The following ELP1 variants were observed in gnomAD, a reference collection of about 807,000 sequenced individuals.
ELP1 encodes the protein elongator complex protein 1.
Under a neutral mutation model 183.2 loss-of-function variants are expected in ELP1, and 131 were observed. That is an observed-to-expected ratio of 0.72 (90% CI 0.62 to 0.83). The LOEUF (loss-of-function observed/expected upper bound fraction) is 0.83. Among genes scored for constraint, ELP1 ranks in the 40% least tolerant of loss-of-function variants. The pLI is 0.00. For synonymous variants in ELP1, 555 were observed against 569.0 expected, an observed-to-expected ratio of 0.98 and a Z score of 0.35; for missense variants, 1,550 against 1,594.9, an observed-to-expected ratio of 0.97 and a Z score of 0.48.
At chr9:108,921,574 T>G (rs1461473061) in intron 6 of ELP1, among the ~76,000 whole-genome samples, 1 of 143,162 alleles carries the variant, frequency 7.0e-6, no homozygotes, top group African/African-American at 2.6e-5. Context: ...AGGATACCTT[T>G]TAAGTCCTGC....
At chr9:108,911,960 C>T (rs1383330956) in intron 11 of ELP1, among the ~76,000 whole-genome samples, 1 of 152,066 alleles carries the variant, frequency 6.6e-6, no homozygotes, top group Non-Finnish European at 1.5e-5. Flanking sequence ...ACACCCAATC[C>T]CACAAGACTG....
intron 36 of ELP1, among the ~76,000 whole-genome samples, chr9:108,873,159 C>T (rs1827552991): frequency 6.6e-6 from 1 of 152,318 alleles, no homozygotes; most frequent in Non-Finnish European, 1.5e-5. Context: ...AAGTCCAACC[C>T]AGCTGTGATT....
intron 2 of ELP1, 128 bp downstream of exon 2, chr9:108,930,869 A>G: frequency 1.1e-6 from 1 of 890,502 alleles, no homozygotes; most frequent in Non-Finnish European, 1.8e-6. Context: ...TATATGAAGC[A>G]AAAGATGTTT....
In ELP1 at chr9:108,878,110, T is replaced by C. The variant is rs756441006; in HGVS notation, c.3740A>G (p.Glu1247Gly). The change falls in exon 35 of 37, where the codon GAG (glutamate) becomes GGG (glycine). Residue 1247 changes from glutamate to glycine, a missense_variant. Glu to Gly is a moderately conservative substitution (Grantham distance 98). Coordinates refer to ENST00000374647, the MANE Select transcript of ELP1 (RefSeq NM_003640.5). ...TAATTCCCTTCCTTGTTCATCAAAC[T>C]CAAAGAGAAAGAGTACCTTTAAAAT... Reference protein sequence around the residue: ...YHILKVLFLFEFDEQGRELQK... With the variant: ...YHILKVLFLFGFDEQGRELQK... 2 of 1,611,944 alleles carry C rather than the reference T, an allele frequency of 1.2e-6. No individual in the cohort carries two copies. The highest frequency in any genetic ancestry group is 2.7e-5 in the African/African-American group (2 of 74,872).
At chr9:108,872,609 C>A (rs1827502489) in intron 36 of ELP1, among the ~76,000 whole-genome samples, 1 of 151,646 alleles carries the variant, frequency 6.6e-6, no homozygotes, top group South Asian at 2.1e-4. Flanking sequence ...TCGAGACCAT[C>A]CTGGCTAACA....
intron 18 of ELP1, among the ~76,000 whole-genome samples, chr9:108,900,773 C>T (rs949586112): frequency 3.3e-5 from 5 of 150,828 alleles, no homozygotes; most frequent in Admixed American, 1.3e-4. Flanking sequence ...CACATACACG[C>T]CACACACACA....
intron 25 of ELP1, among the ~76,000 whole-genome samples, chr9:108,895,700 T>C (rs1160438000): frequency 1.3e-5 from 2 of 152,164 alleles, no homozygotes; most frequent in African/African-American, 4.8e-5. Context: ...ATTTTCATTT[T>C]TGGAGAGGTC....
intron 14 of ELP1, among the ~76,000 whole-genome samples, chr9:108,904,607 AACTCTGGAGCTAG>A (rs2131999303): frequency 6.6e-6 from 1 of 152,268 alleles, no homozygotes; most frequent in African/African-American, 2.4e-5. Flanking sequence ...GAAGAGAACA[AACTCTGGAGCTAG>A]ACTCGCTGGG....
At chr9:108,869,716 G>C (rs912346214) in intron 36 of ELP1, among the ~76,000 whole-genome samples, 6 of 152,098 alleles carry the variant, frequency 3.9e-5, no homozygotes, top group African/African-American at 1.4e-4. Flanking sequence ...AAAAGATTCT[G>C]TCATTGTAAC....
chr9:108,913,497 T>C (rs1671078035), intron 10 of ELP1, among the ~76,000 whole-genome samples: 1 of 152,222 alleles, frequency 6.6e-6, no homozygotes, highest in Admixed American at 6.5e-5. Context: ...CTCAATCTCC[T>C]TGCTCACTAA....
chr9:108,919,474 A>G, intron 6 of ELP1, 125 bp from the exon 7 acceptor site: 1 of 648,474 alleles, frequency 1.5e-6, no homozygotes, highest in Non-Finnish European at 2.8e-6. Flanking sequence ...GCCTGCCTCT[A>G]GAATCAGAAA....
At chr9:108,893,714 A>G (rs1828428698) in intron 26 of ELP1, among the ~76,000 whole-genome samples, 1 of 152,232 alleles carries the variant, frequency 6.6e-6, no homozygotes, top group African/African-American at 2.4e-5. Flanking sequence ...TTAACCAAAA[A>G]AGGATCTACT....
rs529271597 is a variant in ELP1, at chr9:108,869,239, G to A, written c.3932-57C>T. On this transcript the variant is annotated intron_variant, in intron 36 of 36. Transcript: ENST00000374647. ...AGACATACTCTTGTTGGAGGGCGCT[G>A]AGGCAGTAACTCTAAACTAAACAAA... 4.8e-6 allele frequency: 7 copies of A among 1,454,610 alleles called. No homozygotes were observed. The South Asian group carries it at 8.0e-5, about 17-fold the overall frequency. 90.1% of individuals were successfully genotyped at this position (1,454,610 alleles called of 1,614,324 possible).
At chr9:108,928,786 G>GT (rs533485618) in intron 3 of ELP1, among the ~76,000 whole-genome samples, 296 of 149,496 alleles carry the variant, frequency 2.0e-3, no homozygotes, top group African/African-American at 6.9e-3. Flanking sequence ...TTTCAAATAC[G>GT]AAAAAAAAAC....
At chr9:108,913,555 T>C (rs999089431) in intron 10 of ELP1, among the ~76,000 whole-genome samples, 1 of 150,692 alleles carries the variant, frequency 6.6e-6, no homozygotes, top group Non-Finnish European at 1.5e-5. Context: ...TCAAACCGCA[T>C]TATTACAACA....
chr9:108,875,322 C>T (rs183081279), intron 35 of ELP1, among the ~76,000 whole-genome samples: 138 of 152,308 alleles, frequency 9.1e-4, no homozygotes, highest in African/African-American at 3.0e-3. Flanking sequence ...ATCAATTATA[C>T]GCAAAGAGTT....
chr9:108,924,427 C>G lies in ELP1; in HGVS notation c.467-1500G>C, dbSNP rs553470297. On this transcript the variant is annotated intron_variant, in intron 5 of 36. Transcript: ENST00000374647. ...GTACTGAGAAACACATTTCTGAGAC[C>G]TAAGATCTTAACTTGGCCTACATTT... is the stretch of plus-strand genomic sequence containing the variant. 2.0e-4 allele frequency among the ~76,000 whole-genome samples: 30 copies of G among 151,976 alleles called. No individual in the cohort carries two copies. In the South Asian group the frequency reaches 6.2e-3, roughly 32 times the overall value.
chr9:108,900,362 G>C lies in ELP1; in HGVS notation c.2028C>G (p.Gly676=). 1 of 1,613,932 alleles carries C rather than the reference G, an allele frequency of 6.2e-7. No individual in the cohort carries two copies. Among genetic ancestry groups the C allele is most frequent in the Non-Finnish European group, 8.5e-7 (1 of 1,179,836 alleles). ...RDASFKTLQA[G]LSSNHVSHGE... ...CATGGGACACATGATTGCTGCTCAG[G>C]CCGGCCTGTAATGCTAAACACACCA... Residue 676 remains glycine (G), a synonymous_variant, in exon 19 of 37, where the codon GGC becomes GGG. Transcript: ENST00000374647.
At chr9:108,894,289 A>AC (rs1277384430) in intron 25 of ELP1, among the ~76,000 whole-genome samples, 2 of 152,192 alleles carry the variant, frequency 1.3e-5, no homozygotes, top group African/African-American at 4.8e-5. Context: ...ATCCAAGCAT[A>AC]CCCCAGTCCT....
Sources: gnomAD v4.1 joint callset for allele counts (sites outside exome capture counted in the v4.1 genomes callset) on GRCh38, gnomAD v4.1.1 for gene constraint, MANE v1.5 for transcripts, NCBI Gene and HGNC (gene_info 2026-07-23, HGNC 2026-07-21) for gene names.